PTPRS: variants seen among roughly 807,000 people sequenced by gnomAD.
PTPRS encodes protein tyrosine phosphatase receptor type S.
In PTPRS, 63 loss-of-function variants were observed where a neutral mutation model predicts 215.3. The observed-to-expected ratio is 0.29, with a 90% CI of 0.24 to 0.36. The LOEUF is 0.36. Ranked by LOEUF, PTPRS falls within the 10% of genes least tolerant of loss-of-function variation. The pLI is 1.00. For synonymous variants in PTPRS, 1,404 were observed against 1,191.4 expected (o/e 1.18, Z -3.68); for missense variants, 2,258 against 2,825.8 (o/e 0.80, Z 4.56).
At chr19:5,222,475 G>A (rs1326914904) in intron 18 of PTPRS, among the ~76,000 whole-genome samples, 1 of 134,224 alleles carries the variant, frequency 7.5e-6, no homozygotes, top group African/African-American at 2.7e-5. Context: ...GGGGAGGGGA[G>A]CAAGGGGAGG....
intron 1 of PTPRS, among the ~76,000 whole-genome samples, chr19:5,310,318 C>CTTTTT (rs35505548): frequency 4.5e-5 from 6 of 134,336 alleles, no homozygotes; most frequent in East Asian, 2.2e-4. Context: ...TTTTTCTTTT[C>CTTTTT]TTTTTTTTTT....
At chr19:5,316,899 A>G (rs1231538490) in intron 1 of PTPRS, among the ~76,000 whole-genome samples, 1 of 152,160 alleles carries the variant, frequency 6.6e-6, no homozygotes, top group African/African-American at 2.4e-5. Context: ...TTGCACTCCC[A>G]GGCACCGGGG....
intron 9 of PTPRS, among the ~76,000 whole-genome samples, chr19:5,248,688 A>G (rs1252619224): frequency 6.6e-6 from 1 of 152,224 alleles, no homozygotes; most frequent in African/African-American, 2.4e-5. Flanking sequence ...GGAGGTCCCA[A>G]AGCTGAAATC....
At chr19:5,249,347 C>T (rs992461777) in intron 9 of PTPRS, among the ~76,000 whole-genome samples, 4 of 152,086 alleles carry the variant, frequency 2.6e-5, no homozygotes, top group African/African-American at 9.7e-5. Context: ...AACAAACAAA[C>T]GAAATGGAAA....
At chr19:5,229,085 C>T (rs1422567362) in intron 16 of PTPRS, among the ~76,000 whole-genome samples, 3 of 152,246 alleles carry the variant, frequency 2.0e-5, no homozygotes, top group Non-Finnish European at 2.9e-5. Flanking sequence ...TTGCTCAAGC[C>T]ACCCTCGGGT....
intron 1 of PTPRS, among the ~76,000 whole-genome samples, chr19:5,325,117 C>T (rs1314108720): frequency 2.6e-5 from 4 of 152,228 alleles, no homozygotes; most frequent in African/African-American, 9.6e-5. Flanking sequence ...CCTCTTTGAT[C>T]CCCCATTCTT....
chr19:5,239,160 A>AGG (rs759577687), intron 12 of PTPRS, 97 bp from the exon 13 acceptor site: 149 of 436,876 alleles, frequency 3.4e-4, no homozygotes, highest in South Asian at 2.3e-3. Flanking sequence ...CAGAGGGGGG[A>AGG]GGGGGAGAGA....
chr19:5,323,513 G>A (rs1386463884), intron 1 of PTPRS, among the ~76,000 whole-genome samples: 1 of 152,220 alleles, frequency 6.6e-6, no homozygotes, highest in Non-Finnish European at 1.5e-5. Flanking sequence ...GACCTGAGAC[G>A]TGAAGGAAGT....
At chr19:5,334,201 T>A (rs1251765085) in intron 1 of PTPRS, among the ~76,000 whole-genome samples, 1 of 152,226 alleles carries the variant, frequency 6.6e-6, no homozygotes, top group Non-Finnish European at 1.5e-5. Context: ...AGTGGCTGAG[T>A]CATCCTGACA....
At chr19:5,289,672 G>A (rs914612263) in intron 1 of PTPRS, among the ~76,000 whole-genome samples, 4 of 152,196 alleles carry the variant, frequency 2.6e-5, no homozygotes, top group African/African-American at 4.8e-5. Context: ...TCCTGCCCCC[G>A]GGCCTTTGCG....
intron 5 of PTPRS, among the ~76,000 whole-genome samples, chr19:5,263,350 C>G (rs2046157520): frequency 6.6e-6 from 1 of 152,010 alleles, no homozygotes; most frequent in Non-Finnish European, 1.5e-5. Context: ...ATTCTGGGCT[C>G]CACGTCTGAT....
chr19:5,321,821 T>C (rs2050031033), intron 1 of PTPRS, among the ~76,000 whole-genome samples: 1 of 152,048 alleles, frequency 6.6e-6, no homozygotes, highest in Non-Finnish European at 1.5e-5. Flanking sequence ...CCCTGAGATG[T>C]CCTCATTTTA....
rs1261732510 is a variant in PTPRS at position 5,211,570 on chromosome 19, G to A, written c.5234+20C>T. 1 of 1,594,830 alleles carries A rather than the reference G, an allele frequency of 6.3e-7. No homozygotes were observed. Among genetic ancestry groups the A allele is most frequent in the Non-Finnish European group, 8.6e-7 (1 of 1,164,418 alleles). On this transcript the variant is annotated intron_variant, in intron 33 of 37. Transcript: ENST00000262963. ...TGGGCTCCTTCTGGGGCCCTGAGGT[G>A]GGAAAGGCATGGCACCTACCTGTAG...
intron 16 of PTPRS, among the ~76,000 whole-genome samples, chr19:5,226,788 G>A (rs1020794118): frequency 6.6e-6 from 1 of 151,926 alleles, no homozygotes; most frequent in African/African-American, 2.4e-5. Context: ...AATCAACTAA[G>A]TTATATTGAA....
At chr19:5,228,345 G>GAAAAAAAAAAAAAAAAAAAA (rs1491502602) in intron 16 of PTPRS, among the ~76,000 whole-genome samples, 4 of 33,240 alleles carry the variant, frequency 1.2e-4, no homozygotes, top group African/African-American at 2.9e-4. Flanking sequence ...ACTCCGTCTG[G>GAAAAAAAAAAAAAAAAAAAA]AGAAAAAAAA....
chr19:5,296,311 G>A (rs1490694498), intron 1 of PTPRS, among the ~76,000 whole-genome samples: 1 of 152,124 alleles, frequency 6.6e-6, no homozygotes, highest in East Asian at 1.9e-4. Context: ...AGACCAGCCT[G>A]GGCAATATAG....
chr19:5,248,984 C>T (rs2044756314), intron 9 of PTPRS, among the ~76,000 whole-genome samples: 1 of 152,228 alleles, frequency 6.6e-6, no homozygotes, highest in Non-Finnish European at 1.5e-5. Flanking sequence ...CAAACAGCTT[C>T]TCTACCTTAA....
intron 37 of PTPRS, among the ~76,000 whole-genome samples, 153 bp from the exon 38 acceptor site, chr19:5,206,995 G>C (rs766904139): frequency 1.3e-5 from 2 of 152,328 alleles, no homozygotes; most frequent in African/African-American, 4.8e-5. Context: ...ACAATGAAGT[G>C]AGCTATGCCA....
chr19:5,226,471 C>T, intron 16 of PTPRS, among the ~76,000 whole-genome samples: 1 of 152,054 alleles, frequency 6.6e-6, no homozygotes, highest in East Asian at 1.9e-4. Context: ...TGGCTGACGC[C>T]TGTAATCCCA....
Sources: gnomAD v4.1 joint callset for allele counts (sites outside exome capture counted in the v4.1 genomes callset) on GRCh38, gnomAD v4.1.1 for gene constraint, MANE v1.5 for transcripts, NCBI Gene and HGNC (gene_info 2026-07-23, HGNC 2026-07-21) for gene names.